L3MBTL4: variants seen among roughly 807,000 people sequenced by gnomAD.
L3MBTL4 encodes the protein lethal(3)malignant brain tumor-like protein 4.
In L3MBTL4, 70 loss-of-function variants were observed where a neutral mutation model predicts 84.5. The observed-to-expected ratio is 0.83, with a 90% CI of 0.68 to 1.01. L3MBTL4 has a LOEUF of 1.01. L3MBTL4 is among the 50% of genes least tolerant of loss of function. The pLI, the probability that L3MBTL4 is intolerant of heterozygous loss-of-function variation, is 0.00. For synonymous variants in L3MBTL4, 274 were observed against 259.8 expected (o/e 1.05, Z -0.52); for missense variants, 715 against 754.8 (o/e 0.95, Z 0.62).
At chr18:6,338,145 C>A (rs1412398827) in intron 1 of L3MBTL4, among the ~76,000 whole-genome samples, 1 of 150,732 alleles carries the variant, frequency 6.6e-6, no homozygotes, top group Non-Finnish European at 1.5e-5. Flanking sequence ...ACGACAGAAC[C>A]ATACTAAAAG....
chr18:5,998,788 T>C (rs553786193), intron 16 of L3MBTL4, among the ~76,000 whole-genome samples: 16 of 152,260 alleles, frequency 1.1e-4, no homozygotes, highest in Admixed American at 8.5e-4. Context: ...GTCAACATTG[T>C]CTGTTCCTGT....
chr18:6,256,270 T>C (rs1321796219), intron 5 of L3MBTL4, among the ~76,000 whole-genome samples: 1 of 152,190 alleles, frequency 6.6e-6, no homozygotes, highest in Admixed American at 6.5e-5. Flanking sequence ...AAAAATTCCA[T>C]TTTTAAAATA....
At chr18:6,206,167 G>C (rs1599144571) in intron 12 of L3MBTL4, among the ~76,000 whole-genome samples, 1 of 152,122 alleles carries the variant, frequency 6.6e-6, no homozygotes, top group Admixed American at 6.6e-5. Context: ...CTAAAATAAG[G>C]TCCTTACTCA....
chr18:5,962,760 G>A (rs2095269764), intron 17 of L3MBTL4, among the ~76,000 whole-genome samples: 1 of 152,220 alleles, frequency 6.6e-6, no homozygotes, highest in African/African-American at 2.4e-5. Flanking sequence ...CTCATGCTGA[G>A]CCTCAGGGCT....
chr18:6,036,198 G>A (rs748916152), intron 16 of L3MBTL4, among the ~76,000 whole-genome samples: 1 of 152,118 alleles, frequency 6.6e-6, no homozygotes, highest in Non-Finnish European at 1.5e-5. Context: ...TGAGCTTCTT[G>A]GATGTTTATA....
At chr18:6,011,218 T>C (rs1166550956) in intron 16 of L3MBTL4, among the ~76,000 whole-genome samples, 2 of 152,206 alleles carry the variant, frequency 1.3e-5, no homozygotes, top group Non-Finnish European at 2.9e-5. Flanking sequence ...GTGTTTTTAA[T>C]GCTGGCTGAA....
At chr18:6,034,844 C>T (rs1424877921) in intron 16 of L3MBTL4, among the ~76,000 whole-genome samples, 1 of 149,552 alleles carries the variant, frequency 6.7e-6, no homozygotes, top group South Asian at 2.1e-4. Context: ...GCCATTCTAA[C>T]TGGTGTGAGA....
chr18:6,193,567 G>A (rs1218416379), intron 12 of L3MBTL4, among the ~76,000 whole-genome samples: 1 of 152,376 alleles, frequency 6.6e-6, no homozygotes, highest in African/African-American at 2.4e-5. Flanking sequence ...ACAAGGCAAA[G>A]CGTGGAGAGC....
chr18:5,974,409 C>A (rs1309590379), intron 16 of L3MBTL4, among the ~76,000 whole-genome samples: 1 of 132,260 alleles, frequency 7.6e-6, no homozygotes, highest in Non-Finnish European at 1.6e-5. Context: ...AAAGTCATTG[C>A]TTGCCCTTCC....
intron 14 of L3MBTL4, among the ~76,000 whole-genome samples, chr18:6,124,106 G>A (rs2059612160): frequency 6.6e-6 from 1 of 152,202 alleles, no homozygotes; most frequent in Admixed American, 6.5e-5. Context: ...GTGGAGGGAT[G>A]AGAGATCAAA....
At chr18:6,385,760 T>A (rs2054792011) in intron 1 of L3MBTL4, among the ~76,000 whole-genome samples, 1 of 152,196 alleles carries the variant, frequency 6.6e-6, no homozygotes, top group African/African-American at 2.4e-5. Flanking sequence ...CTTTCCCTAT[T>A]CCTAAACCTC....
At chr18:6,125,022 C>G (rs546135316) in intron 14 of L3MBTL4, among the ~76,000 whole-genome samples, 1 of 152,060 alleles carries the variant, frequency 6.6e-6, no homozygotes, top group Non-Finnish European at 1.5e-5. Context: ...GATTAATATT[C>G]TCTAATGACT....
At chr18:6,300,061 G>T (rs1425375483) in intron 4 of L3MBTL4, among the ~76,000 whole-genome samples, 2 of 151,810 alleles carry the variant, frequency 1.3e-5, no homozygotes, top group Non-Finnish European at 2.9e-5. Flanking sequence ...TATTTTTTTT[G>T]TTACTATTTC....
intron 16 of L3MBTL4, among the ~76,000 whole-genome samples, chr18:6,010,647 C>T (rs575607902): frequency 3.9e-5 from 6 of 152,296 alleles, no homozygotes; most frequent in South Asian, 2.1e-4. Context: ...ATATCCTCCC[C>T]GCAACCCGCT....
rs539864103 is a variant in L3MBTL4, at chr18:6,368,911, G to A, written c.-91+45890C>T. On this transcript the variant is annotated intron_variant, in intron 1 of 18. Coordinates refer to ENST00000317931, the MANE Select transcript of L3MBTL4 (RefSeq NM_001330559.2). ...TCAAAAATTAGTCGGGTGTGATGGC[G>A]CACACCTGTAGTCCCAGCTACTCAG... Among the ~76,000 whole-genome samples the A allele has an allele frequency of 3.2e-4, 48 of 152,042 alleles. 1 individual carries two copies. Among genetic ancestry groups the A allele is most frequent in the Admixed American group, 2.6e-3 (39 of 15,270 alleles).
At chr18:6,172,862 A>G (rs1014110552) in intron 12 of L3MBTL4, among the ~76,000 whole-genome samples, 5 of 152,246 alleles carry the variant, frequency 3.3e-5, no homozygotes, top group Admixed American at 6.5e-5. Flanking sequence ...TCTGAAATAT[A>G]AATCCATTAT....
At chr18:6,093,946 C>A (rs991015993) in intron 14 of L3MBTL4, among the ~76,000 whole-genome samples, 5 of 152,280 alleles carry the variant, frequency 3.3e-5, no homozygotes, top group Non-Finnish European at 2.9e-5. Context: ...GAGAATATTG[C>A]GTTTTCATTT....
chr18:6,078,761 C>T (rs752530247), intron 16 of L3MBTL4, among the ~76,000 whole-genome samples: 1 of 152,028 alleles, frequency 6.6e-6, no homozygotes, highest in Admixed American at 6.6e-5. Context: ...ATTTATTGTG[C>T]ACTTTATTTC....
intron 16 of L3MBTL4, among the ~76,000 whole-genome samples, chr18:6,027,409 G>T (rs1406143878): frequency 6.6e-6 from 1 of 152,176 alleles, no homozygotes; most frequent in African/African-American, 2.4e-5. Flanking sequence ...GTCCATATGT[G>T]CCACATTTTC....
Sources: gnomAD v4.1 joint callset for allele counts (sites outside exome capture counted in the v4.1 genomes callset) on GRCh38, gnomAD v4.1.1 for gene constraint, MANE v1.5 for transcripts, NCBI Gene and HGNC (gene_info 2026-07-23, HGNC 2026-07-21) for gene names.